The following ADAMTS20 variants were observed in gnomAD, a reference collection of about 807,000 sequenced individuals.
ADAMTS20 encodes A disintegrin and metalloproteinase with thrombospondin motifs 20.
In ADAMTS20, 225 loss-of-function variants were observed where a neutral mutation model predicts 260.1. The ratio of observed to expected loss-of-function variants is 0.87; its 90% confidence interval spans 0.78 to 0.97. ADAMTS20 has a LOEUF of 0.97. ADAMTS20 is among the 50% of genes least tolerant of loss of function. The pLI is 0.00. For missense variants in ADAMTS20, 2,400 were observed against 2,337.7 expected (o/e 1.03, Z -0.55); for synonymous variants, 802 against 769.5 (o/e 1.04, Z -0.70).
chr12:43,460,988 A>ATATTTTTT lies in ADAMTS20; in HGVS notation c.1614+1906_1614+1907insAAAAAATA. ...ATTATATATATATATATATATATATATTTTTTTTTTTTTTTTTTTTTTTGA... is the reference window on the plus strand; with the variant it reads ...ATTATATATATATATATATATATATATATTTTTTTTTTTTTTTTTTTTTTTTTTTTTGA... On this transcript the variant is annotated intron_variant, in intron 11 of 38. Coordinates refer to ENST00000389420, the MANE Select transcript of ADAMTS20 (RefSeq NM_025003.5). Among the ~76,000 whole-genome samples the ATATTTTTT allele has an allele frequency of 7.6e-5, 2 of 26,392 alleles. 1 individual carries two copies. The highest frequency in any genetic ancestry group is 2.6e-4 in the African/African-American group (2 of 7,826). 17.3% of individuals were successfully genotyped at this position (26,392 alleles called of 152,430 possible). A position where few individuals can be genotyped will look rare whatever the true frequency, so the allele number is the denominator to read the frequency against.
At chr12:43,546,044 A>G (rs558382820) in intron 2 of ADAMTS20, among the ~76,000 whole-genome samples, 2 of 152,352 alleles carry the variant, frequency 1.3e-5, no homozygotes, top group African/African-American at 4.8e-5. Flanking sequence ...AAATATGAAT[A>G]CAGAATGGCA....
intron 31 of ADAMTS20, among the ~76,000 whole-genome samples, chr12:43,380,831 T>C (rs142165307): frequency 2.0e-3 from 311 of 152,270 alleles, no homozygotes; most frequent in Non-Finnish European, 4.0e-3. Context: ...ACAAGAGTCA[T>C]TGCAACCTCT....
At chr12:43,535,204 C>T (rs1249778722) in intron 2 of ADAMTS20, among the ~76,000 whole-genome samples, 1 of 152,162 alleles carries the variant, frequency 6.6e-6, no homozygotes, top group Non-Finnish European at 1.5e-5. Flanking sequence ...TTCAAATAAG[C>T]AGTGACCTAT....
Position 43,432,633 on chromosome 12 carries a change from A to T in ADAMTS20, c.2899T>A (p.Phe967Ile). ...CATTCTGAATAATGCCATCTTGTGA[A>T]GACACAGTTACCATGGCATAGTTCT... Reference protein sequence around the residue: ...TQELCHGNCVFTRWHYSEWSQ... With the variant: ...TQELCHGNCVITRWHYSEWSQ... The change falls in exon 20 of 39, where the codon TTC becomes ATC. Residue 967 changes from phenylalanine to isoleucine, a missense_variant. Coordinates refer to ENST00000389420, the MANE Select transcript of ADAMTS20 (RefSeq NM_025003.5). 6.2e-7 allele frequency: 1 copy of T among 1,613,998 alleles called. No homozygotes were observed. The highest frequency in any genetic ancestry group is 8.5e-7 in the Non-Finnish European group (1 of 1,179,880).
chr12:43,449,565 C>T (rs1400512553), intron 14 of ADAMTS20, among the ~76,000 whole-genome samples: 1 of 151,946 alleles, frequency 6.6e-6, no homozygotes, highest in Non-Finnish European at 1.5e-5. Context: ...ATGAAATAAT[C>T]TGTACAACAA....
intron 28 of ADAMTS20, among the ~76,000 whole-genome samples, chr12:43,416,711 AC>A (rs1166549701): frequency 6.6e-6 from 1 of 151,492 alleles, no homozygotes; most frequent in African/African-American, 2.4e-5. Flanking sequence ...TTTAGTAGAG[AC>A]GGGGTTTCAC....
At chr12:43,437,814 G>GAA (rs1241691967) in intron 18 of ADAMTS20, among the ~76,000 whole-genome samples, 1 of 151,786 alleles carries the variant, frequency 6.6e-6, no homozygotes, top group African/African-American at 2.4e-5. Flanking sequence ...AATAATGAAG[G>GAA]AAAATCTCAA....
chr12:43,383,918 A>G lies in ADAMTS20; in HGVS notation c.4512T>C (p.Gly1504=), dbSNP rs1017457284. 1.2e-6 allele frequency: 2 copies of G among 1,613,726 alleles called. No homozygotes were observed. The highest frequency in any genetic ancestry group is 2.7e-5 in the African/African-American group (2 of 74,878). Residue 1504 remains glycine (G), a synonymous_variant, in exon 30 of 39, where the codon GGT becomes GGC. Transcript: ENST00000389420. ...ACATTTCTTCAACCACCTGACCAAC[A>G]CCTTTCAGTCTGCAGTATACATCCC... ...QQRDVYCRLK[G]VGQVVEEMCD... is the part of the protein sequence containing the mutation.
intron 7 of ADAMTS20, among the ~76,000 whole-genome samples, chr12:43,477,502 T>C (rs575511805): frequency 5.3e-5 from 8 of 152,174 alleles, no homozygotes; most frequent in African/African-American, 1.2e-4. Context: ...GACTGGCATT[T>C]CCAAAGAACC....
rs1555178376 is a variant in ADAMTS20, at chr12:43,435,683, T to TTA, written c.2594-1313_2594-1312insTA. Among the ~76,000 whole-genome samples, 83 of 128,460 alleles carry TTA rather than the reference T, an allele frequency of 6.5e-4. 2 individuals carry two copies. The highest frequency in any genetic ancestry group is 1.2e-3 in the African/African-American group (42 of 33,998). 84.3% of individuals were successfully genotyped at this position (128,460 alleles called of 152,430 possible). A position where few individuals can be genotyped will look rare whatever the true frequency, so the allele number is the denominator to read the frequency against. On this transcript the variant is annotated intron_variant, in intron 18 of 38. Coordinates refer to ENST00000389420, the MANE Select transcript of ADAMTS20 (RefSeq NM_025003.5). ...CAAAAAAATAAAAATAAAAATAAAA[T>TTA]AAAAAAAGTCTATAAAAAAAAAAAA...
chr12:43,528,534 A>G (rs1943178147), intron 3 of ADAMTS20, among the ~76,000 whole-genome samples: 1 of 152,066 alleles, frequency 6.6e-6, no homozygotes, highest in Non-Finnish European at 1.5e-5. Context: ...CTGATCTTTG[A>G]CAAAGCATAC....
chr12:43,427,588 C>T, intron 26 of ADAMTS20, 119 bp from the exon 27 acceptor site: 2 of 924,748 alleles, frequency 2.2e-6, no homozygotes, highest in African/African-American at 1.7e-5. Flanking sequence ...TTAGAATCTC[C>T]TTCATTGGAA....
intron 14 of ADAMTS20, among the ~76,000 whole-genome samples, chr12:43,451,515 C>A (rs1941863654): frequency 6.6e-6 from 1 of 151,998 alleles, no homozygotes; most frequent in South Asian, 2.1e-4. Context: ...ATTTGACAAC[C>A]ATCTGCTAGT....
chr12:43,499,382 G>A (rs187283897), intron 4 of ADAMTS20, among the ~76,000 whole-genome samples: 1 of 151,984 alleles, frequency 6.6e-6, no homozygotes, highest in South Asian at 2.1e-4. Flanking sequence ...GAAGTCAAAA[G>A]GTCTGTCTCC....
chr12:43,437,395 T>TA (rs1941577586), intron 18 of ADAMTS20, among the ~76,000 whole-genome samples: 1 of 152,252 alleles, frequency 6.6e-6, no homozygotes, highest in African/African-American at 2.4e-5. Flanking sequence ...GTTTCCAAAT[T>TA]GGAATGGCAT....
intron 7 of ADAMTS20, among the ~76,000 whole-genome samples, chr12:43,480,467 T>A (rs1043549765): frequency 2.2e-4 from 34 of 152,196 alleles, no homozygotes; most frequent in Admixed American, 2.0e-3. Context: ...TGCTATATCA[T>A]ATGGTAGTTC....
At chr12:43,365,579 C>T (rs942602657) in intron 37 of ADAMTS20, among the ~76,000 whole-genome samples, 1 of 151,730 alleles carries the variant, frequency 6.6e-6, no homozygotes, top group Admixed American at 6.6e-5. Context: ...ATAAAGAGAA[C>T]CAGAAATACT....
chr12:43,427,400 C>T lies in ADAMTS20; in HGVS notation c.4015G>A (p.Ala1339Thr). The T allele has an allele frequency of 6.2e-7, 1 of 1,613,896 alleles. No individual in the cohort carries two copies. The highest frequency in any genetic ancestry group is 8.5e-7 in the Non-Finnish European group (1 of 1,179,842). Residue 1339 changes from alanine (A) to threonine (T), a missense_variant, in exon 27 of 39, where the codon GCT becomes ACT. Ala to Thr is a moderately conservative substitution (Grantham distance 58). Coordinates refer to ENST00000389420, the MANE Select transcript of ADAMTS20 (RefSeq NM_025003.5). ...TTGGAGGCTGCATCGCAGTAACTAGCACTTTGTCCATTTTCATCCTGGCAG... is the reference window on the plus strand; with the variant it reads ...TTGGAGGCTGCATCGCAGTAACTAGTACTTTGTCCATTTTCATCCTGGCAG... ...VVCQDENGQSASYCDAASKPP... is the reference protein window; with the variant it reads ...VVCQDENGQSTSYCDAASKPP...
chr12:43,544,843 T>C (rs951374218), intron 2 of ADAMTS20, among the ~76,000 whole-genome samples: 44 of 152,190 alleles, frequency 2.9e-4, no homozygotes, highest in Admixed American at 2.4e-3. Flanking sequence ...CCTTCACCAA[T>C]GCTCCAGAAT....
Sources: gnomAD v4.1 joint callset for allele counts (sites outside exome capture counted in the v4.1 genomes callset) on GRCh38, gnomAD v4.1.1 for gene constraint, MANE v1.5 for transcripts, NCBI Gene and HGNC (gene_info 2026-07-23, HGNC 2026-07-21) for gene names.